ADPRHL1: variants seen among roughly 807,000 people sequenced by gnomAD.
ADPRHL1 encodes ADP-ribosylhydrolase like 1, also known as inactive ADP-ribosyltransferase ARH2.
ADPRHL1 carries 43 observed loss-of-function variants against 44.1 expected under a neutral mutation model. That is an observed-to-expected ratio of 0.98 (90% CI 0.76 to 1.26). The LOEUF is 1.26. ADPRHL1 is among the 50% of genes most tolerant of loss of function. ADPRHL1 has a pLI of 0.00. For synonymous variants in ADPRHL1, 878 were observed against 1,017.4 expected (o/e 0.86, Z 2.61); for missense variants, 2,022 against 2,496.9 (o/e 0.81, Z 4.05).
chr13:113,422,080 C>T (rs1383690039), intron 7 of ADPRHL1: 2 of 152,248 alleles, frequency 1.3e-5, no homozygotes, highest in African/African-American at 2.4e-5. Flanking sequence ...AGCGCTTCCT[C>T]GTCAGCGAGC....
intron 2 of ADPRHL1, among the ~76,000 whole-genome samples, chr13:113,435,469 C>A (rs1198416178): frequency 9.6e-6 from 1 of 104,234 alleles, no homozygotes; most frequent in South Asian, 3.9e-4. Flanking sequence ...AGGTGTACCC[C>A]GGGACCCGGC....
intron 7 of ADPRHL1, among the ~76,000 whole-genome samples, chr13:113,415,193 G>C (rs2043880986): frequency 6.6e-6 from 1 of 152,188 alleles, no homozygotes; most frequent in African/African-American, 2.4e-5. Flanking sequence ...TGGGGTTCTT[G>C]CTGGTCAGCC....
chr13:113,433,656 C>T (rs968910511), intron 3 of ADPRHL1, 86 bp downstream of exon 3: 43 of 1,459,984 alleles, frequency 2.9e-5, no homozygotes, highest in Non-Finnish European at 3.6e-5. Context: ...CCCCGCCCCC[C>T]ACCCCACACT....
Position 113,441,750 on chromosome 13 carries a change from G to A in ADPRHL1, c.379+2675C>T, listed in dbSNP as rs181796675. Among the ~76,000 whole-genome samples, 218 of 151,956 alleles carry A rather than the reference G, an allele frequency of 1.4e-3. 1 individual carries two copies. The highest frequency in any genetic ancestry group is 4.6e-3 in the African/African-American group (192 of 41,422). On this transcript the variant is annotated intron_variant, in intron 2 of 7. Coordinates refer to ENST00000612156, the MANE Select transcript of ADPRHL1 (RefSeq NM_001394807.1). The surrounding 1 kb of genome is among the most constrained non-coding windows in gnomAD (Gnocchi z 6.0). Reference sequence around the variant, plus strand: ...ATGCCATGTCCCGCCACTTGGGTCCGTGTCTCTATCATGCTCCGCCCCGCC... The same window carrying A: ...ATGCCATGTCCCGCCACTTGGGTCCATGTCTCTATCATGCTCCGCCCCGCC...
rs978073002 is a variant in ADPRHL1 at position 113,406,121 on chromosome 13, C to T, written c.3161G>A (p.Gly1054Asp). ...CACTGTCATGCCCATCGGGGTGACA[C>T]CCTCAGGCCCCGTACGCCCCTTGGA... ...ASSKGRTGPE[G>D]VTPMGMTVPG... Residue 1054 changes from glycine (G) to aspartate (D), a missense_variant, in exon 8 of 8, where the codon GGT (glycine) becomes GAT (aspartate). Around this residue, in one of 8 missense-constraint regions of ADPRHL1, gnomAD observed 1,221 missense variants for 1,517.8 expected, o/e 0.80. Coordinates refer to ENST00000612156, the MANE Select transcript of ADPRHL1 (RefSeq NM_001394807.1). The T allele has an allele frequency of 8.1e-7, 1 of 1,232,028 alleles. No homozygotes were observed. Among genetic ancestry groups the T allele is most frequent in the Non-Finnish European group, 1.0e-6 (1 of 987,994 alleles). The allele number at this position is 1,232,028 out of a possible 1,614,324, so 76.3% of individuals were successfully genotyped here.
In ADPRHL1 at chr13:113,404,973, G is replaced by T; in HGVS notation, c.4309C>A (p.Gln1437Lys). ...GMAIGVGGAC[Q>K]RSDQGQQHLQ... ...TGCTGCTGACCTTGGTCACTGCGCT[G>T]GCAGGCGCCCCCAACCCCAATGGCC... The change falls in exon 8 of 8, where the codon CAG becomes AAG. Residue 1437 changes from glutamine (Q) to lysine (K), a missense_variant. By Grantham distance (53) the Gln-to-Lys change is moderately conservative (BLOSUM62 1). This residue lies in a region of ADPRHL1 where 1,221 missense variants were observed against 1,517.8 expected (regional missense o/e 0.80). Transcript: ENST00000612156. The T allele has an allele frequency of 8.1e-7, 1 of 1,235,192 alleles. No individual in the cohort carries two copies. Among genetic ancestry groups the T allele is most frequent in the Non-Finnish European group, 1.0e-6 (1 of 990,350 alleles). 76.5% of individuals were successfully genotyped at this position (1,235,192 alleles called of 1,614,324 possible). A position where few individuals can be genotyped will look rare whatever the true frequency, so the allele number is the denominator to read the frequency against.
Position 113,409,290 on chromosome 13 carries a change from A to C in ADPRHL1, c.1062-1070T>G, listed in dbSNP as rs887402516. 3.9e-5 allele frequency: 38 copies of C among 985,240 alleles called. No homozygotes were observed. In the Admixed American group the frequency reaches 8.0e-4, roughly 21 times the overall value. 61.0% of individuals were successfully genotyped at this position (985,240 alleles called of 1,614,324 possible). A position where few individuals can be genotyped will look rare whatever the true frequency, so the allele number is the denominator to read the frequency against. The stretch of plus-strand genomic sequence containing the variant: ...TCTCCCCATCTGTGGCAGGGGGTGG[A>C]GCCGTCTCTGACCTCCCCAGATGAT... On this transcript the variant is annotated intron_variant, in intron 7 of 7. Transcript: ENST00000612156. The surrounding 1 kb of genome is among the most constrained non-coding windows in gnomAD (Gnocchi z 4.2).
intron 2 of ADPRHL1, among the ~76,000 whole-genome samples, chr13:113,434,252 G>A (rs906050973): frequency 6.6e-6 from 1 of 152,024 alleles, no homozygotes; most frequent in Non-Finnish European, 1.5e-5. Context: ...GGTGTACCGC[G>A]GGACCCAGCA....
At position 113,429,610 on chromosome 13, in the gene ADPRHL1, G is replaced by A. The variant is rs187452029; in HGVS notation, c.506-518C>T. On this transcript the variant is annotated intron_variant, in intron 3 of 7. Transcript: ENST00000612156. ...CGCCTTTGGCTATTGGGAACACCGC[G>A]TCACGTAGACCTTTAGCATCCGTGG... Among the ~76,000 whole-genome samples the A allele has an allele frequency of 1.2e-3, 187 of 152,356 alleles. 3 individuals carry two copies. In the East Asian group the frequency reaches 0.027, roughly 22 times the overall value.
Position 113,406,093 on chromosome 13 carries a change from G to A in ADPRHL1, c.3189C>T (p.Pro1063=), listed in dbSNP as rs573442566. The A allele has an allele frequency of 3.0e-5, 37 of 1,232,152 alleles. No individual in the cohort carries two copies. The highest frequency in any genetic ancestry group is 2.5e-4 in the South Asian group (6 of 24,330). The allele number at this position is 1,232,152 out of a possible 1,614,324, so 76.3% of individuals were successfully genotyped here. A position where few individuals can be genotyped will look rare whatever the true frequency, so the allele number is the denominator to read the frequency against. Residue 1063 remains proline (P), a synonymous_variant, in exon 8 of 8, where the codon CCC becomes CCT. Coordinates refer to ENST00000612156, the MANE Select transcript of ADPRHL1 (RefSeq NM_001394807.1). ...EGVTPMGMTV[P]GALEECRRPL... ...GCCTTCTGCATTCCTCCAGCGCACC[G>A]GGCACTGTCATGCCCATCGGGGTGA... is the stretch of plus-strand genomic sequence containing the variant.
chr13:113,409,308 C>G lies in ADPRHL1; in HGVS notation c.1062-1088G>C, dbSNP rs752491772. On this transcript the variant is annotated intron_variant, in intron 7 of 7. Coordinates refer to ENST00000612156, the MANE Select transcript of ADPRHL1 (RefSeq NM_001394807.1). The surrounding 1 kb of genome is among the most constrained non-coding windows in gnomAD (Gnocchi z 4.2). ...GGGGTGGAGCCGTCTCTGACCTCCC[C>G]AGATGATAATTTTGGGTAGACGCAC... 2.4e-5 allele frequency: 24 copies of G among 985,276 alleles called. No individual in the cohort carries two copies. Among genetic ancestry groups the G allele is most frequent in the Non-Finnish European group, 2.8e-5 (23 of 829,938 alleles). 61.0% of individuals were successfully genotyped at this position (985,276 alleles called of 1,614,324 possible).
intron 2 of ADPRHL1, among the ~76,000 whole-genome samples, chr13:113,439,629 G>A (rs1028507239): frequency 2.0e-5 from 3 of 151,340 alleles, no homozygotes; most frequent in East Asian, 1.9e-4. Flanking sequence ...TGTATTTTTA[G>A]TAGAGACAGG....
chr13:113,415,021 G>A (rs567692428), intron 7 of ADPRHL1, among the ~76,000 whole-genome samples: 55 of 152,180 alleles, frequency 3.6e-4, no homozygotes, highest in African/African-American at 1.2e-3. Flanking sequence ...ATTTTCCCCT[G>A]AAGCCATGAA....
At chr13:113,408,848 A>AGGGGGCTGCAGAGAGGAGGGGGGGAG (rs1555325346) in intron 7 of ADPRHL1, among the ~76,000 whole-genome samples, 3 of 117,378 alleles carry the variant, frequency 2.6e-5, no homozygotes, top group South Asian at 3.0e-4. Flanking sequence ...GCAGGGGAGG[A>AGGGGGCTGCAGAGAGGAGGGGGGGAG]GGGGGCTGCA....
Position 113,405,817 on chromosome 13 carries a change from C to T in ADPRHL1, c.3465G>A (p.Leu1155=), listed in dbSNP as rs1016142936. The change falls in exon 8 of 8, where the codon TTG becomes TTA. Residue 1155 remains leucine, a synonymous_variant. Coordinates refer to ENST00000612156, the MANE Select transcript of ADPRHL1 (RefSeq NM_001394807.1). ...ETLGQWGSRA[L]SESHPRGEAL... is the part of the protein sequence containing the mutation. ...CCTCTCCTCTGGGGTGGCTTTCGGACAAGGCTCTGCTTCCCCACTGGCCCA... is the reference window on the plus strand; with the variant it reads ...CCTCTCCTCTGGGGTGGCTTTCGGATAAGGCTCTGCTTCCCCACTGGCCCA... 1 of 1,231,860 alleles carries T rather than the reference C, an allele frequency of 8.1e-7. No homozygotes were observed. Among genetic ancestry groups the T allele is most frequent in the South Asian group, 4.1e-5 (1 of 24,326 alleles). The allele number at this position is 1,231,860 out of a possible 1,614,324, so 76.3% of individuals were successfully genotyped here. A position where few individuals can be genotyped will look rare whatever the true frequency, so the allele number is the denominator to read the frequency against.
intron 4 of ADPRHL1, among the ~76,000 whole-genome samples, chr13:113,427,414 G>A (rs549871694): frequency 9.2e-5 from 14 of 152,352 alleles, no homozygotes; most frequent in African/African-American, 3.1e-4. Flanking sequence ...CGGCACCACC[G>A]GCTTAGCCAT....
chr13:113,420,105 G>A (rs1364485866), intron 7 of ADPRHL1, among the ~76,000 whole-genome samples: 4 of 152,192 alleles, frequency 2.6e-5, no homozygotes, highest in Non-Finnish European at 4.4e-5. Flanking sequence ...ATTTGGATTC[G>A]CGAAGCTGTG....
rs2043775428 is a variant in ADPRHL1 at position 113,403,170 on chromosome 13, C to T, written c.*208G>A. 1 of 399,934 alleles carries T rather than the reference C, an allele frequency of 2.5e-6. No individual in the cohort carries two copies. The highest frequency in any genetic ancestry group is 4.3e-6 in the Non-Finnish European group (1 of 233,628). 24.8% of individuals were successfully genotyped at this position (399,934 alleles called of 1,614,324 possible). A position where few individuals can be genotyped will look rare whatever the true frequency, so the allele number is the denominator to read the frequency against. ...AGGCCCGCACCTCCCACCCCCATGG[C>T]CTCGTGGCTCTGTGGGGTGACAGGA... On this transcript the variant is annotated 3_prime_UTR_variant, in exon 8 of 8. Coordinates refer to ENST00000612156, the MANE Select transcript of ADPRHL1 (RefSeq NM_001394807.1).
intron 3 of ADPRHL1, among the ~76,000 whole-genome samples, chr13:113,431,354 G>C (rs1047580138): frequency 2.6e-5 from 4 of 152,174 alleles, no homozygotes; most frequent in Admixed American, 6.5e-5. Context: ...AGGCTGCAGA[G>C]ACGCTTTCCA....
Sources: gnomAD v4.1 joint callset for allele counts (sites outside exome capture counted in the v4.1 genomes callset) on GRCh38, gnomAD v4.1.1 for gene constraint, gnomAD v4.1.1 regional missense constraint, Gnocchi (gnomAD v3.1) non-coding constraint, MANE v1.5 for transcripts, NCBI Gene and HGNC (gene_info 2026-07-23, HGNC 2026-07-21) for gene names.